The following PPFIA3 variants were observed in gnomAD, a reference collection of about 807,000 sequenced individuals.
PPFIA3 encodes PPFI scaffold protein A3.
A neutral mutation model predicts 145.8 loss-of-function variants in PPFIA3; 26 were observed. The ratio of observed to expected loss-of-function variants is 0.18; its 90% CI spans 0.13 to 0.25. The LOEUF is 0.25. Among genes scored for constraint, PPFIA3 ranks in the 10% least tolerant of loss-of-function variants. The probability of loss-of-function intolerance (pLI) is 1.00; values close to 1 mark genes in which losing one functional copy is unlikely to be tolerated. For synonymous variants in PPFIA3, 645 were observed against 661.4 expected (o/e 0.98, Z 0.38); for missense variants, 1,008 against 1,587.8 (o/e 0.63, Z 6.21).
rs759007680 is a variant in PPFIA3, at chr19:49,149,272, G to C, written c.3301G>C (p.Glu1101Gln). The C allele has an allele frequency of 1.2e-6, 2 of 1,614,186 alleles. No individual in the cohort carries two copies. The highest frequency in any genetic ancestry group is 1.7e-6 in the Non-Finnish European group (2 of 1,180,042). ...TQNAQARQLL[E>Q]KEFSNLISLG... ...CTCTTTCCAGGCCCGGCAGCTTCTGGAGAAGGAATTCAGCAACCTTATCTC... is the reference window on the plus strand; with the variant it reads ...CTCTTTCCAGGCCCGGCAGCTTCTGCAGAAGGAATTCAGCAACCTTATCTC... The change falls in exon 27 of 30, where the codon GAG becomes CAG. Residue 1101 changes from glutamate to glutamine, a missense_variant. Physicochemically the swap from Glu to Gln is conservative, Grantham distance 29 (BLOSUM62 2). Coordinates refer to ENST00000334186, the MANE Select transcript of PPFIA3 (RefSeq NM_003660.4). This position sits in a 1 kb window ranked among gnomAD's most constrained non-coding sequence, Gnocchi z 5.7.
In PPFIA3 at chr19:49,146,209, G is replaced by T; in HGVS notation, c.2835+17G>T. The T allele has an allele frequency of 6.2e-7, 1 of 1,613,016 alleles. No homozygotes were observed. The highest frequency in any genetic ancestry group is 2.2e-5 in the East Asian group (1 of 44,854). On this transcript the variant is annotated intron_variant, in intron 23 of 29. Coordinates refer to ENST00000334186, the MANE Select transcript of PPFIA3 (RefSeq NM_003660.4). ...TGGGAGCAGGTAGGGGGCGCGGGGC[G>T]GGGCGTGAGCGCATGAACAGGCTGT...
rs1291268694 is a variant in PPFIA3 at position 49,119,695 on chromosome 19, C to T, written c.-43C>T. ...CCCACGTCCCTCCTGCAGCCCAGCT[C>T]CGCCCGCAGCCGCCGCGGACCAGGC... On this transcript the variant is annotated 5_prime_UTR_variant, in exon 1 of 30. Coordinates refer to ENST00000334186, the MANE Select transcript of PPFIA3 (RefSeq NM_003660.4). 6.6e-6 allele frequency: 1 copy of T among 150,808 alleles called. No homozygotes were observed. Among genetic ancestry groups the T allele is most frequent in the Non-Finnish European group, 1.5e-5 (1 of 67,630 alleles). The allele number at this position is 150,808 out of a possible 1,614,324, so 9.3% of individuals were successfully genotyped here. A position where few individuals can be genotyped will look rare whatever the true frequency, so the allele number is the denominator to read the frequency against.
At chr19:49,141,268 C>T (rs531458322) in intron 18 of PPFIA3, 152 bp from the exon 19 acceptor site, 13 of 592,652 alleles carry the variant, frequency 2.2e-5, no homozygotes, top group African/African-American at 3.8e-5. Flanking sequence ...AATTCATGGG[C>T]GCTTGTCTGC....
At chr19:49,127,383 TAAAAAAAAA>T (rs34030131) in intron 1 of PPFIA3, among the ~76,000 whole-genome samples, 1 of 28,602 alleles carries the variant, frequency 3.5e-5, no homozygotes, top group African/African-American at 1.4e-4. Context: ...TCACTCCAGC[TAAAAAAAAA>T]AAAAAAAAAA....
chr19:49,132,390 CAAAAAAAAAAA>C (rs11351172), intron 7 of PPFIA3, among the ~76,000 whole-genome samples: 665 of 43,720 alleles, frequency 0.015, 7 homozygotes, highest in Non-Finnish European at 0.019. Flanking sequence ...CTCTCTCTCT[CAAAAAAAAAAA>C]AAAAAAAAAA....
chr19:49,134,570 G>GA, intron 11 of PPFIA3, 69 bp from the exon 12 acceptor site: 1 of 1,434,710 alleles, frequency 7.0e-7, no homozygotes, highest in South Asian at 1.1e-5. Context: ...TGTGCACTGG[G>GA]AGCTGCCTGC....
chr19:49,140,551 A>G (rs1043011856), intron 18 of PPFIA3, among the ~76,000 whole-genome samples: 4 of 144,518 alleles, frequency 2.8e-5, no homozygotes, highest in Non-Finnish European at 4.5e-5. Flanking sequence ...GGGTTTCCTC[A>G]TGTTGGCCAG....
chr19:49,137,037 C>A, intron 15 of PPFIA3, 126 bp downstream of exon 15: 1 of 924,380 alleles, frequency 1.1e-6, no homozygotes, highest in Non-Finnish European at 1.5e-6. Context: ...ATTCTTCCAG[C>A]CCAACACTCA....
At chr19:49,131,230 G>C (rs1331390153) in intron 7 of PPFIA3, among the ~76,000 whole-genome samples, 2 of 141,610 alleles carry the variant, frequency 1.4e-5, no homozygotes, top group South Asian at 2.3e-4. Flanking sequence ...GTGCAGTGTC[G>C]GGATCTTGGC....
At chr19:49,136,508 G>T (rs1158649217) in intron 14 of PPFIA3, among the ~76,000 whole-genome samples, 1 of 152,188 alleles carries the variant, frequency 6.6e-6, no homozygotes, top group Non-Finnish European at 1.5e-5. Flanking sequence ...AGAATCGTTC[G>T]AACCTGGGAG....
At chr19:49,148,883 C>T in intron 25 of PPFIA3, 110 bp from the exon 26 acceptor site, 1 of 1,560,258 alleles carries the variant, frequency 6.4e-7, no homozygotes, top group Non-Finnish European at 8.8e-7. Flanking sequence ...GGGGGTGGAG[C>T]CAGCGTGGGG....
chr19:49,124,298 A>G (rs2040971150), intron 1 of PPFIA3, among the ~76,000 whole-genome samples: 1 of 151,904 alleles, frequency 6.6e-6, no homozygotes, highest in African/African-American at 2.4e-5. Context: ...GGCTCGAGTG[A>G]TCCTCCCACC....
intron 25 of PPFIA3, 90 bp from the exon 26 acceptor site, chr19:49,148,903 C>T: frequency 6.3e-7 from 1 of 1,581,322 alleles, no homozygotes; most frequent in South Asian, 1.1e-5. Context: ...GGGCGTGGCC[C>T]GAAGAGACCA....
intron 14 of PPFIA3, among the ~76,000 whole-genome samples, chr19:49,136,319 G>C (rs950121912): frequency 1.3e-5 from 2 of 152,164 alleles, no homozygotes; most frequent in Non-Finnish European, 2.9e-5. Context: ...GTTGGAGGCC[G>C]GGCAGGGTGG....
intron 21 of PPFIA3, among the ~76,000 whole-genome samples, chr19:49,143,457 C>G (rs2041247677): frequency 6.6e-6 from 1 of 152,188 alleles, no homozygotes; most frequent in South Asian, 2.1e-4. Context: ...ACTGCAACCC[C>G]TGCCTCCCGG....
chr19:49,142,367 C>T (rs1315522741), intron 20 of PPFIA3, among the ~76,000 whole-genome samples: 2 of 152,046 alleles, frequency 1.3e-5, no homozygotes, highest in Non-Finnish European at 2.9e-5. Flanking sequence ...GTTCTCTCTA[C>T]TCTCTCTTTC....
In PPFIA3 at chr19:49,149,328, G is replaced by A. The variant is rs772715539; in HGVS notation, c.3354+3G>A. On this transcript the variant is annotated splice_donor_region_variant and intron_variant, in intron 27 of 29. Transcript: ENST00000334186. This position sits in a 1 kb window ranked among gnomAD's most constrained non-coding sequence, Gnocchi z 5.7. ...GCACAGACAGGCGGCTGGACGAGGT[G>A]GGCGCGGCAACAGCTCAGAGGGCTC... 39 of 1,613,998 alleles carry A rather than the reference G, an allele frequency of 2.4e-5. 1 individual carries two copies. In the South Asian group the frequency reaches 4.2e-4, roughly 17 times the overall value.
Position 49,134,832 on chromosome 19 carries a change from C to A in PPFIA3, c.1441-4C>A. ...AACCCGACACCTCCAACACCGGCCC[C>A]CAGGAGCAGCTCTTGGCCGAAATGG... On this transcript the variant is annotated splice_polypyrimidine_tract_variant and splice_region_variant and intron_variant, in intron 12 of 29. Transcript: ENST00000334186. 1 of 1,598,374 alleles carries A rather than the reference C, an allele frequency of 6.3e-7. No homozygotes were observed. The highest frequency in any genetic ancestry group is 1.7e-4 in the Middle Eastern group (1 of 5,986).
Position 49,139,817 on chromosome 19 carries a change from A to G in PPFIA3, c.2226A>G (p.Gly742=). The change falls in exon 17 of 30, where the codon GGA becomes GGG. Residue 742 remains glycine, a synonymous_variant. Coordinates refer to ENST00000334186, the MANE Select transcript of PPFIA3 (RefSeq NM_003660.4). ...AGGCGGGGTCCCTGGAAGATGGGGGACCCCCACGGGGAAGGTCAGCAGGGA... is the reference window on the plus strand; with the variant it reads ...AGGCGGGGTCCCTGGAAGATGGGGGGCCCCCACGGGGAAGGTCAGCAGGGA... ...ALQAGSLEDG[G]PPRGSEGTPD... 1 of 1,610,748 alleles carries G rather than the reference A, an allele frequency of 6.2e-7. No individual in the cohort carries two copies. The highest frequency in any genetic ancestry group is 8.5e-7 in the Non-Finnish European group (1 of 1,177,944).
Sources: allele counts gnomAD v4.1 joint callset (sites outside exome capture counted in the v4.1 genomes callset), GRCh38; gene constraint gnomAD v4.1.1; non-coding constraint Gnocchi (gnomAD v3.1); transcripts MANE v1.5; gene names NCBI Gene and HGNC (gene_info 2026-07-23, HGNC 2026-07-21).